The following PRKAG2 variants were observed in gnomAD, a reference collection of about 807,000 sequenced individuals.
PRKAG2 encodes the protein 5'-AMP-activated protein kinase subunit gamma-2.
In PRKAG2, 26 loss-of-function variants were observed where a neutral mutation model predicts 69.6. The ratio of observed to expected loss-of-function variants is 0.37; its 90% CI spans 0.27 to 0.52. The LOEUF is 0.52. Ranked by LOEUF, PRKAG2 falls within the 20% of genes least tolerant of loss-of-function variation. The pLI is 0.90. For missense variants in PRKAG2, 557 were observed against 740.0 expected, an observed-to-expected ratio of 0.75 and a Z score of 2.87; for synonymous variants, 293 against 285.0, an observed-to-expected ratio of 1.03 and a Z score of -0.28.
At chr7:151,855,125 A>G (rs182662311) in intron 1 of PRKAG2, among the ~76,000 whole-genome samples, 1,667 of 11,066 alleles carry the variant, frequency 0.15, 429 homozygotes, top group Middle Eastern at 0.38. Context: ...CACACACACC[A>G]TCCTCCACAC....
rs187849975 is a variant in PRKAG2, at chr7:151,721,474, G to A, written c.467-45837C>T. Among the ~76,000 whole-genome samples, 448 of 152,230 alleles carry A rather than the reference G, an allele frequency of 2.9e-3. 1 individual carries two copies. Among genetic ancestry groups the A allele is most frequent in the African/African-American group, 9.8e-3 (406 of 41,550 alleles). ...CTGAGGGCCTGGCTCCCCAGAGCACGTCCTCCCTCCAAGGCCTCTCATGCA... is the reference window on the plus strand; with the variant it reads ...CTGAGGGCCTGGCTCCCCAGAGCACATCCTCCCTCCAAGGCCTCTCATGCA... On this transcript the variant is annotated intron_variant, in intron 3 of 15. Coordinates refer to ENST00000287878, the MANE Select transcript of PRKAG2 (RefSeq NM_016203.4).
chr7:151,783,264 C>G (rs140287125), intron 2 of PRKAG2, among the ~76,000 whole-genome samples: 1,836 of 152,350 alleles, frequency 0.012, 33 homozygotes, highest in African/African-American at 0.042. Flanking sequence ...CGTGAGTGGG[C>G]CCGGCAGGAA....
At chr7:151,710,731 A>G (rs1409904879) in intron 3 of PRKAG2, among the ~76,000 whole-genome samples, 8 of 152,180 alleles carry the variant, frequency 5.3e-5, no homozygotes, top group African/African-American at 1.7e-4. Context: ...ATCCGCCCAG[A>G]TACACACATG....
At chr7:151,797,228 C>A (rs2151833552) in intron 1 of PRKAG2, among the ~76,000 whole-genome samples, 1 of 10,734 alleles carries the variant, frequency 9.3e-5, no homozygotes, top group East Asian at 1.8e-3. Context: ...CTTCTTGCCA[C>A]CCCCCCCACC....
At chr7:151,811,647 G>C (rs1563717846) in intron 1 of PRKAG2, among the ~76,000 whole-genome samples, 2 of 152,218 alleles carry the variant, frequency 1.3e-5, no homozygotes, top group Non-Finnish European at 2.9e-5. Flanking sequence ...AGGTGTGCAG[G>C]GCTGATGACA....
intron 3 of PRKAG2, among the ~76,000 whole-genome samples, chr7:151,733,428 G>C (rs1346738169): frequency 6.6e-6 from 1 of 152,186 alleles, no homozygotes; most frequent in African/African-American, 2.4e-5. Flanking sequence ...CAGAAGCGTA[G>C]GAGACAGGAT....
chr7:151,784,558 G>A (rs148150554), intron 2 of PRKAG2, among the ~76,000 whole-genome samples: 1 of 152,296 alleles, frequency 6.6e-6, no homozygotes, highest in East Asian at 1.9e-4. Context: ...GAGGTGTCCA[G>A]TGCCCAGAGA....
In PRKAG2 at chr7:151,558,447, T is replaced by C. The variant is rs924628193; in HGVS notation, c.1679-1215A>G. 5 of 985,298 alleles carry C rather than the reference T, an allele frequency of 5.1e-6. No homozygotes were observed. The African/African-American group carries it at 5.2e-5, about 10-fold the overall frequency. 61.0% of individuals were successfully genotyped at this position (985,298 alleles called of 1,614,324 possible). On this transcript the variant is annotated intron_variant, in intron 15 of 15. Coordinates refer to ENST00000287878, the MANE Select transcript of PRKAG2 (RefSeq NM_016203.4). ...GCAACATAGGAGGGAGACGGGCCTG[T>C]ATCAGCCGGCTCCTTCTCTACTGAA...
chr7:151,560,848 G>A (rs1262300144), intron 14 of PRKAG2, among the ~76,000 whole-genome samples: 4 of 152,270 alleles, frequency 2.6e-5, no homozygotes, highest in African/African-American at 9.6e-5. Context: ...GGGAAGTGGA[G>A]GTTGCAGTGG....
chr7:151,610,284 G>A (rs1302160247), intron 5 of PRKAG2, among the ~76,000 whole-genome samples: 1 of 152,202 alleles, frequency 6.6e-6, no homozygotes, highest in Non-Finnish European at 1.5e-5. Context: ...CGGGAGAATG[G>A]CGTCAACCTG....
At chr7:151,672,914 G>A (rs910477828) in intron 4 of PRKAG2, among the ~76,000 whole-genome samples, 3 of 152,240 alleles carry the variant, frequency 2.0e-5, no homozygotes, top group Middle Eastern at 3.4e-3. Flanking sequence ...CTGACCCCAG[G>A]ACACTCCCTC....
At chr7:151,864,291 C>A (rs2080006981) in intron 1 of PRKAG2, among the ~76,000 whole-genome samples, 2 of 152,238 alleles carry the variant, frequency 1.3e-5, no homozygotes, top group Non-Finnish European at 2.9e-5. Flanking sequence ...TCCCAACACG[C>A]CTCCAGTGCA....
Position 151,572,851 on chromosome 7 carries a change from G to GC in PRKAG2, c.1006-143dup. On this transcript the variant is annotated intron_variant, in intron 8 of 15. Coordinates refer to ENST00000287878, the MANE Select transcript of PRKAG2 (RefSeq NM_016203.4). ...GAGGCGGCCAGGTGCGGTTGCTCAT[G>GC]CCTGTAATCTCAGCACTTTGGGAGA... 3 of 553,112 alleles carry GC rather than the reference G, an allele frequency of 5.4e-6. No individual in the cohort carries two copies. The South Asian group carries it at 7.1e-5, about 13-fold the overall frequency. The allele number at this position is 553,112 out of a possible 1,614,324, so 34.3% of individuals were successfully genotyped here.
intron 3 of PRKAG2, among the ~76,000 whole-genome samples, chr7:151,778,036 A>C (rs2076476037): frequency 2.0e-5 from 3 of 152,032 alleles, no homozygotes; most frequent in African/African-American, 7.3e-5. Flanking sequence ...TTTAGACTTG[A>C]ATTCTGGCAA....
At chr7:151,737,842 T>A (rs544979213) in intron 3 of PRKAG2, among the ~76,000 whole-genome samples, 2 of 152,092 alleles carry the variant, frequency 1.3e-5, no homozygotes, top group Admixed American at 6.5e-5. Flanking sequence ...TCTATCCCCA[T>A]GAGATGAAAC....
At chr7:151,762,743 G>A (rs1040775555) in intron 3 of PRKAG2, among the ~76,000 whole-genome samples, 1 of 152,168 alleles carries the variant, frequency 6.6e-6, no homozygotes, top group Non-Finnish European at 1.5e-5. Flanking sequence ...AAACCCCACT[G>A]AAGCTCACTG....
chr7:151,716,185 T>TCA (rs1268659978), intron 3 of PRKAG2, among the ~76,000 whole-genome samples: 2 of 152,180 alleles, frequency 1.3e-5, no homozygotes, highest in African/African-American at 4.8e-5. Context: ...ATCAGGAAGT[T>TCA]CACAGGCTGA....
intron 3 of PRKAG2, among the ~76,000 whole-genome samples, chr7:151,677,025 C>T (rs1430371153): frequency 1.3e-5 from 2 of 152,162 alleles, no homozygotes; most frequent in Admixed American, 6.6e-5. Flanking sequence ...GCCAACACCT[C>T]GATTTTGAAC....
At chr7:151,608,990 T>C (rs1818159040) in intron 5 of PRKAG2, among the ~76,000 whole-genome samples, 1 of 152,176 alleles carries the variant, frequency 6.6e-6, no homozygotes, top group African/African-American at 2.4e-5. Flanking sequence ...GCCTCCCACA[T>C]AGCTGGGACT....
Sources: allele counts gnomAD v4.1 joint callset (sites outside exome capture counted in the v4.1 genomes callset), GRCh38; gene constraint gnomAD v4.1.1; transcripts MANE v1.5; gene names NCBI Gene and HGNC (gene_info 2026-07-23, HGNC 2026-07-21).